Variants in BRDT observed in about 807,000 individuals in gnomAD.
BRDT encodes bromodomain testis-specific protein.
A neutral mutation model predicts 113.9 loss-of-function variants in BRDT; 77 were observed. The ratio of observed to expected loss-of-function variants is 0.68; its 90% CI spans 0.56 to 0.82. The LOEUF (loss-of-function observed/expected upper bound fraction) is 0.82. Ranked by LOEUF, BRDT falls within the 40% of genes least tolerant of loss-of-function variation. The pLI is 0.00. For synonymous variants in BRDT, 358 were observed against 366.5 expected (o/e 0.98, Z 0.26); for missense variants, 1,027 against 1,105.4 (o/e 0.93, Z 1.01).
In BRDT at chr1:91,976,457, T is replaced by A; in HGVS notation, c.618+19T>A. ...GGCCCAAGTAAGTTTGTTGTAGTTT[T>A]TAAATCATTGCTTTTTAACACTGGA... is the stretch of plus-strand genomic sequence containing the variant. On this transcript the variant is annotated intron_variant, in intron 5 of 18. Transcript: ENST00000399546. 6.6e-7 allele frequency: 1 copy of A among 1,517,260 alleles called. No homozygotes were observed. The highest frequency in any genetic ancestry group is 8.8e-7 in the Non-Finnish European group (1 of 1,136,694). The allele number at this position is 1,517,260 out of a possible 1,614,324, so 94.0% of individuals were successfully genotyped here.
intron 1 of BRDT, among the ~76,000 whole-genome samples, chr1:91,953,479 A>G (rs1258505697): frequency 1.3e-5 from 2 of 152,204 alleles, no homozygotes; most frequent in South Asian, 2.1e-4. Context: ...CAGGAGTTCA[A>G]GACCAGCCCG....
At chr1:91,962,574 T>C (rs1190560391) in intron 1 of BRDT, 144 bp from the exon 2 acceptor site, 2 of 401,394 alleles carry the variant, frequency 5.0e-6, no homozygotes, top group Admixed American at 4.5e-5. Context: ...CCTCAAGTGA[T>C]CCACCCGCCT....
Position 91,977,245 on chromosome 1 carries a change from G to A in BRDT, c.821G>A (p.Arg274Lys), listed in dbSNP as rs112610764. The change falls in exon 6 of 19, where the codon AGG (arginine) becomes AAG (lysine). Residue 274 changes from arginine (R) to lysine (K), a missense_variant. Physicochemically the swap from Arg to Lys is conservative, Grantham distance 26. Coordinates refer to ENST00000399546, the MANE Select transcript of BRDT (RefSeq NM_207189.4). The stretch of plus-strand genomic sequence containing the variant: ...ACTGTTAAAGTAACTGAACAATTAA[G>A]GCACTGTAGTGAGATTCTTAAAGAA... ...VKTVKVTEQL[R>K]HCSEILKEML... 2.9e-4 allele frequency: 461 copies of A among 1,614,042 alleles called. 4 individuals carry two copies. The African/African-American group carries it at 5.8e-3, about 20-fold the overall frequency.
chr1:92,004,951 G>A (rs1016692769), intron 17 of BRDT, among the ~76,000 whole-genome samples, 168 bp from the exon 18 acceptor site: 4 of 152,028 alleles, frequency 2.6e-5, no homozygotes, highest in African/African-American at 9.7e-5. Context: ...TTGTTAATAT[G>A]GATTAGCCTA....
intron 1 of BRDT, among the ~76,000 whole-genome samples, chr1:91,958,066 C>T (rs925271995): frequency 6.6e-6 from 1 of 152,160 alleles, no homozygotes; most frequent in Non-Finnish European, 1.5e-5. Flanking sequence ...TGGTCTCGAG[C>T]TCCCGACCTC....
chr1:91,964,902 T>C (rs1682896017), intron 3 of BRDT, 138 bp downstream of exon 3: 1 of 459,606 alleles, frequency 2.2e-6, no homozygotes, highest in African/African-American at 2.0e-5. Context: ...TGTGTGTGTG[T>C]GTATATAATT....
chr1:91,995,430 T>C (rs1348265598), intron 15 of BRDT, among the ~76,000 whole-genome samples: 1 of 41,582 alleles, frequency 2.4e-5, no homozygotes, highest in Non-Finnish European at 6.1e-5. Context: ...TGTGTGTGTG[T>C]GTGTGTGTGT....
chr1:91,985,321 A>G (rs943602078), intron 12 of BRDT, among the ~76,000 whole-genome samples: 1 of 151,978 alleles, frequency 6.6e-6, no homozygotes, highest in African/African-American at 2.4e-5. Context: ...CGGCCTCCCA[A>G]AGAGCTGGGA....
chr1:91,988,536 G>T (rs1289290856), intron 12 of BRDT, among the ~76,000 whole-genome samples: 1 of 152,070 alleles, frequency 6.6e-6, no homozygotes, highest in Non-Finnish European at 1.5e-5. Flanking sequence ...GAGTAGCTGG[G>T]ATTACAGGTT....
chr1:91,995,394 C>T (rs997085348), intron 15 of BRDT, among the ~76,000 whole-genome samples: 4 of 147,022 alleles, frequency 2.7e-5, no homozygotes, highest in Non-Finnish European at 5.9e-5. Flanking sequence ...TTAAAATCTC[C>T]CTACTATTCT....
At chr1:92,003,822 A>C (rs957618030) in intron 16 of BRDT, among the ~76,000 whole-genome samples, 3 of 152,124 alleles carry the variant, frequency 2.0e-5, no homozygotes, top group African/African-American at 7.2e-5. Flanking sequence ...AAATATATTA[A>C]ATTTACTTAA....
intron 1 of BRDT, among the ~76,000 whole-genome samples, chr1:91,951,916 G>A (rs1681135310): frequency 6.6e-6 from 1 of 152,170 alleles, no homozygotes; most frequent in Non-Finnish European, 1.5e-5. Context: ...AGGCGCAGTG[G>A]CTCATGCCTG....
Position 91,979,570 on chromosome 1 carries a change from A to C in BRDT, c.1100A>C (p.Asp367Ala). 6.2e-7 allele frequency: 1 copy of C among 1,606,490 alleles called. No homozygotes were observed. The highest frequency in any genetic ancestry group is 8.5e-7 in the Non-Finnish European group (1 of 1,178,448). ...EVVTMARMLQDVFETHFSKIP... is the reference protein window; with the variant it reads ...EVVTMARMLQAVFETHFSKIP... ...TAACAAACTAATTTTTCATTACAGG[A>C]TGTTTTCGAAACGCATTTTTCAAAG... is the stretch of plus-strand genomic sequence containing the variant. Residue 367 changes from aspartate to alanine, a missense_variant and splice_region_variant, in exon 8 of 19, where the codon GAT (aspartate) becomes GCT (alanine). Asp to Ala is a moderately radical substitution (Grantham distance 126). Coordinates refer to ENST00000399546, the MANE Select transcript of BRDT (RefSeq NM_207189.4).
chr1:91,953,952 TCCTA>T (rs1681426944), intron 1 of BRDT, among the ~76,000 whole-genome samples: 1 of 151,970 alleles, frequency 6.6e-6, no homozygotes, highest in African/African-American at 2.4e-5. Flanking sequence ...CATTTTCTTC[TCCTA>T]CCTGTTTTTT....
intron 4 of BRDT, among the ~76,000 whole-genome samples, chr1:91,975,486 G>A (rs140904146): frequency 1.2e-4 from 19 of 152,262 alleles, no homozygotes; most frequent in African/African-American, 4.1e-4. Context: ...AGACCTGCCT[G>A]GATGTTATTG....
intron 12 of BRDT, 61 bp downstream of exon 12, chr1:91,981,816 AT>A: frequency 6.8e-7 from 1 of 1,475,982 alleles, no homozygotes; most frequent in Non-Finnish European, 9.0e-7. Flanking sequence ...TGTAATATTG[AT>A]TTATATTTTG....
At chr1:91,981,436 G>C (rs1368325735) in intron 11 of BRDT, 55 bp downstream of exon 11, 3 of 1,521,938 alleles carry the variant, frequency 2.0e-6, no homozygotes, top group African/African-American at 1.4e-5. Context: ...GTAGAGACAG[G>C]GTCTTGTGAT....
chr1:91,981,539 C>T, intron 11 of BRDT, 79 bp from the exon 12 acceptor site: 1 of 1,579,528 alleles, frequency 6.3e-7, no homozygotes, highest in Non-Finnish European at 8.6e-7. Flanking sequence ...CGACCATGCC[C>T]AGCCTAGGTG....
rs1184170673 is a variant in BRDT, at chr1:92,003,426, G to A, written c.2389-988G>A. On this transcript the variant is annotated intron_variant, in intron 16 of 18. Transcript: ENST00000399546. Reference sequence around the variant, plus strand: ...ACAGCCCTCTTTCCGTATTATAGATGGACAGGTTTAACTGTAGAAAGGGCC... The same window carrying A: ...ACAGCCCTCTTTCCGTATTATAGATAGACAGGTTTAACTGTAGAAAGGGCC... Among the ~76,000 whole-genome samples, 3 of 152,080 alleles carry A rather than the reference G, an allele frequency of 2.0e-5. No individual in the cohort carries two copies. The East Asian group carries it at 5.8e-4, about 29-fold the overall frequency.
Sources: gnomAD v4.1 joint callset for allele counts (sites outside exome capture counted in the v4.1 genomes callset) on GRCh38, gnomAD v4.1.1 for gene constraint, MANE v1.5 for transcripts, NCBI Gene and HGNC (gene_info 2026-07-23, HGNC 2026-07-21) for gene names.